The following PLPPR1 variants were observed in gnomAD, a reference collection of about 807,000 sequenced individuals.
PLPPR1 encodes phospholipid phosphatase related 1.
Under a neutral mutation model 33.1 loss-of-function variants are expected in PLPPR1, and 10 were observed. The observed-to-expected ratio is 0.30, with a 90% CI of 0.19 to 0.51. The LOEUF (loss-of-function observed/expected upper bound fraction) is 0.51. Ranked by LOEUF, PLPPR1 falls within the 20% of genes least tolerant of loss-of-function variation. The pLI is 0.97. For synonymous variants in PLPPR1, 151 were observed against 151.0 expected, an observed-to-expected ratio of 1.00 and a Z score of 0.00; for missense variants, 304 against 408.1, an observed-to-expected ratio of 0.74 and a Z score of 2.20.
intron 1 of PLPPR1, among the ~76,000 whole-genome samples, chr9:101,144,912 C>A (rs77610314): frequency 0.015 from 2,281 of 152,262 alleles, 62 homozygotes; most frequent in African/African-American, 0.052. Flanking sequence ...TTTCAACATG[C>A]CAAATACTTT....
At chr9:101,323,310 C>T (rs531371531) in intron 7 of PLPPR1, among the ~76,000 whole-genome samples, 25 of 152,032 alleles carry the variant, frequency 1.6e-4, no homozygotes, top group African/African-American at 6.0e-4. Flanking sequence ...GCCTGGGCAA[C>T]ATAGTGAGAC....
At chr9:101,226,089 C>G (rs1827061234) in intron 2 of PLPPR1, among the ~76,000 whole-genome samples, 1 of 152,144 alleles carries the variant, frequency 6.6e-6, no homozygotes, top group East Asian at 1.9e-4. Flanking sequence ...ACTTTTCAAT[C>G]TAATTTCCTG....
chr9:101,114,895 C>T, intron 1 of PLPPR1, among the ~76,000 whole-genome samples: 1 of 152,140 alleles, frequency 6.6e-6, no homozygotes, highest in East Asian at 1.9e-4. Context: ...GAGCTTAGGA[C>T]AATTTGTTAA....
intron 1 of PLPPR1, among the ~76,000 whole-genome samples, chr9:101,057,775 A>G (rs1255477859): frequency 1.3e-5 from 2 of 152,122 alleles, no homozygotes; most frequent in Non-Finnish European, 2.9e-5. Flanking sequence ...ACATGCTTTA[A>G]CCACTAGGTT....
chr9:101,210,519 A>G, intron 2 of PLPPR1, among the ~76,000 whole-genome samples: 1 of 152,186 alleles, frequency 6.6e-6, no homozygotes, highest in East Asian at 1.9e-4. Context: ...ACAGACTATA[A>G]GAGGATTCAT....
chr9:101,314,453 C>A (rs1357219152), intron 6 of PLPPR1, among the ~76,000 whole-genome samples: 1 of 152,192 alleles, frequency 6.6e-6, no homozygotes, highest in Non-Finnish European at 1.5e-5. Context: ...ACAGGCATAT[C>A]TCAGAGATAA....
chr9:101,218,422 TGTG>T (rs1826850295), intron 2 of PLPPR1, among the ~76,000 whole-genome samples: 1 of 152,208 alleles, frequency 6.6e-6, no homozygotes, highest in Non-Finnish European at 1.5e-5. Context: ...GGGTGGGACA[TGTG>T]GCCACTCCTT....
chr9:101,132,975 T>C (rs867214209), intron 1 of PLPPR1, among the ~76,000 whole-genome samples: 1 of 152,180 alleles, frequency 6.6e-6, no homozygotes, highest in South Asian at 2.1e-4. Context: ...CAGGTCTAAA[T>C]TTAGCCACCA....
chr9:101,243,659 G>C (rs932744121), intron 2 of PLPPR1, among the ~76,000 whole-genome samples: 20 of 151,866 alleles, frequency 1.3e-4, no homozygotes, highest in African/African-American at 4.3e-4. Context: ...ACTATAAGGT[G>C]CCTAAGAAAT....
chr9:101,084,720 G>A (rs967709240), intron 1 of PLPPR1, among the ~76,000 whole-genome samples: 4 of 152,126 alleles, frequency 2.6e-5, no homozygotes, highest in African/African-American at 9.7e-5. Flanking sequence ...TCTTTGACTA[G>A]GTACTAAGCA....
At chr9:101,159,648 AAGAG>A (rs1289988975) in intron 1 of PLPPR1, among the ~76,000 whole-genome samples, 1 of 152,202 alleles carries the variant, frequency 6.6e-6, no homozygotes, top group African/African-American at 2.4e-5. Context: ...GAAGGGCTAA[AAGAG>A]AGACCAGTTA....
intron 2 of PLPPR1, among the ~76,000 whole-genome samples, chr9:101,240,409 A>ACTGTTTTTTTTTTT (rs1564012614): frequency 1.7e-4 from 26 of 151,784 alleles, no homozygotes; most frequent in African/African-American, 6.3e-4. Context: ...AAATTTTAGA[A>ACTGTTTTTTTTTTT]TTGTTTTTTT....
intron 2 of PLPPR1, among the ~76,000 whole-genome samples, chr9:101,249,257 A>T (rs1186089880): frequency 6.6e-6 from 1 of 152,030 alleles, no homozygotes; most frequent in African/African-American, 2.4e-5. Flanking sequence ...ATGCTTTGAA[A>T]CTAGAGTTTT....
intron 1 of PLPPR1, among the ~76,000 whole-genome samples, chr9:101,142,650 C>A (rs1831465946): frequency 6.6e-6 from 1 of 152,190 alleles, no homozygotes; most frequent in Non-Finnish European, 1.5e-5. Flanking sequence ...GTCCCAGAAT[C>A]CTTCCAGGTC....
chr9:101,294,187 A>C (rs1266426716), intron 4 of PLPPR1, among the ~76,000 whole-genome samples: 2 of 152,090 alleles, frequency 1.3e-5, no homozygotes, highest in Admixed American at 6.6e-5. Flanking sequence ...TATGCAAATA[A>C]ACTAGAAAAT....
At chr9:101,174,060 G>C (rs997286402) in intron 1 of PLPPR1, among the ~76,000 whole-genome samples, 1 of 152,140 alleles carries the variant, frequency 6.6e-6, no homozygotes, top group Non-Finnish European at 1.5e-5. Flanking sequence ...AGAGGCTGAG[G>C]TGGGAGGATT....
At chr9:101,105,851 T>A (rs1367261406) in intron 1 of PLPPR1, among the ~76,000 whole-genome samples, 1 of 135,814 alleles carries the variant, frequency 7.4e-6, no homozygotes, top group Admixed American at 7.4e-5. Flanking sequence ...GGTGCATAAA[T>A]ATTTAGGATA....
intron 1 of PLPPR1, among the ~76,000 whole-genome samples, chr9:101,147,310 G>T (rs562674056): frequency 2.0e-5 from 3 of 152,072 alleles, no homozygotes; most frequent in African/African-American, 7.2e-5. Flanking sequence ...CTGTCTTTGG[G>T]TGGGTTTTAC....
chr9:101,037,485 T>C (rs927089765), intron 1 of PLPPR1, among the ~76,000 whole-genome samples: 12 of 152,094 alleles, frequency 7.9e-5, no homozygotes, highest in African/African-American at 2.7e-4. Flanking sequence ...ATGAGTAGCA[T>C]GGACCTCCCC....
Sources: gnomAD v4.1 joint callset for allele counts (sites outside exome capture counted in the v4.1 genomes callset) on GRCh38, gnomAD v4.1.1 for gene constraint, MANE v1.5 for transcripts, NCBI Gene and HGNC (gene_info 2026-07-23, HGNC 2026-07-21) for gene names.